Variants in TAF2 observed in about 807,000 individuals in gnomAD.
The protein encoded by TAF2 is TATA-box binding protein associated factor 2.
In TAF2, 61 loss-of-function variants were observed where a neutral mutation model predicts 138.5. The ratio of observed to expected loss-of-function variants is 0.44; its 90% CI spans 0.36 to 0.54. TAF2 has a LOEUF of 0.54. Among genes scored for constraint, TAF2 ranks in the 20% least tolerant of loss-of-function variants. The pLI, the probability that TAF2 is intolerant of heterozygous loss-of-function variation, is 0.00. For synonymous variants in TAF2, 475 were observed against 469.9 expected, an observed-to-expected ratio of 1.01 and a Z score of -0.14; for missense variants, 1,090 against 1,427.9, an observed-to-expected ratio of 0.76 and a Z score of 3.81.
intron 4 of TAF2, among the ~76,000 whole-genome samples, chr8:119,804,844 C>T (rs1192256799): frequency 1.3e-5 from 2 of 152,074 alleles, no homozygotes; most frequent in Non-Finnish European, 2.9e-5. Context: ...GGAACACCAC[C>T]GGAGAATTTG....
intron 3 of TAF2, 64 bp from the exon 4 acceptor site, chr8:119,806,465 CTTTCTTTT>C: frequency 3.0e-6 from 3 of 993,694 alleles, no homozygotes; most frequent in Non-Finnish European, 2.8e-6. Flanking sequence ...ATTTTTCTTT[CTTTCTTTT>C]TTTTTTTTTT....
At chr8:119,826,075 C>T (rs1030678766) in intron 2 of TAF2, among the ~76,000 whole-genome samples, 1 of 151,618 alleles carries the variant, frequency 6.6e-6, no homozygotes, top group African/African-American at 2.4e-5. Context: ...AACACATGGA[C>T]ACAGGGAGGG....
intron 5 of TAF2, 144 bp downstream of exon 5, chr8:119,803,734 C>G: frequency 1.2e-6 from 1 of 819,308 alleles, no homozygotes; most frequent in South Asian, 2.2e-5. Context: ...AGAGGAATGA[C>G]TAACAGAAAG....
Position 119,785,284 on chromosome 8 carries a change from T to A in TAF2, c.1794-18A>T. Reference sequence around the variant, plus strand: ...TTTTATTCCTACATTTAAGAAAAAGTAGGTTGGAAAATTGTGAGATTTCTA... The same window carrying A: ...TTTTATTCCTACATTTAAGAAAAAGAAGGTTGGAAAATTGTGAGATTTCTA... On this transcript the variant is annotated intron_variant, in intron 14 of 25. Transcript: ENST00000378164. The A allele has an allele frequency of 1.3e-6, 2 of 1,582,112 alleles. No individual in the cohort carries two copies. Among genetic ancestry groups the A allele is most frequent in the Non-Finnish European group, 1.7e-6 (2 of 1,151,912 alleles).
chr8:119,802,847 G>A (rs555979762), intron 5 of TAF2, among the ~76,000 whole-genome samples: 2 of 152,298 alleles, frequency 1.3e-5, no homozygotes, highest in South Asian at 2.1e-4. Flanking sequence ...GGAAGGTGGA[G>A]GTTGCATGAG....
At chr8:119,757,412 T>C (rs1053764960) in intron 21 of TAF2, among the ~76,000 whole-genome samples, 1 of 152,186 alleles carries the variant, frequency 6.6e-6, no homozygotes, top group African/African-American at 2.4e-5. Flanking sequence ...ACTCTATTTC[T>C]AAGAGCCGAT....
At chr8:119,794,206 G>A (rs1367519346) in intron 9 of TAF2, among the ~76,000 whole-genome samples, 1 of 152,062 alleles carries the variant, frequency 6.6e-6, no homozygotes, top group Admixed American at 6.5e-5. Flanking sequence ...GACCATCCTG[G>A]CCAACATGGT....
At chr8:119,753,906 C>A (rs751333599) in intron 22 of TAF2, among the ~76,000 whole-genome samples, 7 of 152,050 alleles carry the variant, frequency 4.6e-5, no homozygotes, top group Non-Finnish European at 7.4e-5. Context: ...GTTGAATGAA[C>A]CTTTATAAGT....
chr8:119,808,910 G>A (rs907198863), intron 3 of TAF2, among the ~76,000 whole-genome samples: 3 of 152,194 alleles, frequency 2.0e-5, no homozygotes, highest in Non-Finnish European at 4.4e-5. Context: ...CAGAGAACAG[G>A]AAGAATAGAT....
intron 25 of TAF2, among the ~76,000 whole-genome samples, chr8:119,732,672 C>T (rs190017543): frequency 1.7e-4 from 25 of 151,134 alleles, no homozygotes; most frequent in Admixed American, 1.2e-3. Context: ...GGCATGGTGG[C>T]GGGTGCCTGT....
At chr8:119,811,751 A>G (rs1022674568) in intron 3 of TAF2, among the ~76,000 whole-genome samples, 28 of 143,436 alleles carry the variant, frequency 2.0e-4, no homozygotes, top group African/African-American at 6.5e-4. Context: ...GCTTGCAGTG[A>G]GCCGGGATAG....
chr8:119,819,450 C>G lies in TAF2; in HGVS notation c.195G>C (p.Leu65Phe). The G allele has an allele frequency of 6.2e-7, 1 of 1,611,392 alleles. No homozygotes were observed. Among genetic ancestry groups the G allele is most frequent in the Non-Finnish European group, 8.5e-7 (1 of 1,179,268 alleles). ...GGTATATTCTACACTGTTTGCTGTT[C>G]AACTTGATTCTATTCAAGTTTGCAA... ...PTVANLNRIK[L>F]NSKQCRIYRV... The change falls in exon 3 of 26, where the codon TTG (leucine) becomes TTC (phenylalanine). Residue 65 changes from leucine (L) to phenylalanine (F), a missense_variant. By Grantham distance (22) the Leu-to-Phe change is conservative (BLOSUM62 0). Coordinates refer to ENST00000378164, the MANE Select transcript of TAF2 (RefSeq NM_003184.4).
At chr8:119,793,559 G>A in intron 9 of TAF2, 108 bp from the exon 10 acceptor site, 1 of 820,664 alleles carries the variant, frequency 1.2e-6, no homozygotes. Context: ...AAATCAGAAT[G>A]TAAATTTCTT....
chr8:119,827,707 T>C (rs1826189257), intron 2 of TAF2, among the ~76,000 whole-genome samples: 1 of 150,782 alleles, frequency 6.6e-6, no homozygotes, highest in African/African-American at 2.4e-5. Context: ...CTACTCTCAC[T>C]ATTACACCAA....
At chr8:119,816,632 C>T (rs1057162810) in intron 3 of TAF2, among the ~76,000 whole-genome samples, 5 of 152,248 alleles carry the variant, frequency 3.3e-5, no homozygotes, top group African/African-American at 1.2e-4. Flanking sequence ...ATGCTAAAGG[C>T]CTTAGCTATC....
chr8:119,819,243 T>A (rs1261926484), intron 3 of TAF2, 103 bp downstream of exon 3: 1 of 1,228,014 alleles, frequency 8.1e-7, no homozygotes, highest in Non-Finnish European at 1.2e-6. Flanking sequence ...TCAAAGCCCA[T>A]TAACGATCCA....
intron 18 of TAF2, among the ~76,000 whole-genome samples, chr8:119,774,489 C>G (rs199946715): frequency 2.2e-5 from 2 of 92,498 alleles, no homozygotes; most frequent in African/African-American, 8.5e-5. Flanking sequence ...TTTTTTTTTG[C>G]AATTTTTTTT....
chr8:119,735,000 T>TC (rs1819131945), intron 25 of TAF2, among the ~76,000 whole-genome samples: 1 of 152,210 alleles, frequency 6.6e-6, no homozygotes, highest in Non-Finnish European at 1.5e-5. Flanking sequence ...ACTGGTTCGT[T>TC]CATGTTTCCA....
intron 3 of TAF2, among the ~76,000 whole-genome samples, chr8:119,815,598 G>A (rs1022362787): frequency 5.3e-5 from 8 of 150,830 alleles, no homozygotes; most frequent in Non-Finnish European, 1.0e-4. Context: ...AAAAAAAAAA[G>A]AAAAGAAAAA....
Sources: gnomAD v4.1 joint callset for allele counts (sites outside exome capture counted in the v4.1 genomes callset) on GRCh38, gnomAD v4.1.1 for gene constraint, MANE v1.5 for transcripts, NCBI Gene and HGNC (gene_info 2026-07-23, HGNC 2026-07-21) for gene names.